MARCHF1: variants seen among roughly 807,000 people sequenced by gnomAD.
MARCHF1 encodes membrane associated ring-CH-type finger 1.
In MARCHF1, 40 loss-of-function variants were observed where a neutral mutation model predicts 54.2. The observed-to-expected ratio is 0.74, with a 90% CI of 0.57 to 0.96. The LOEUF (loss-of-function observed/expected upper bound fraction) is 0.96. Ranked by LOEUF, MARCHF1 falls within the 40% of genes least tolerant of loss-of-function variation. The pLI is 0.00. For synonymous variants in MARCHF1, 236 were observed against 236.3 expected, an observed-to-expected ratio of 1.00 and a Z score of 0.01; for missense variants, 586 against 656.5, an observed-to-expected ratio of 0.89 and a Z score of 1.17.
intron 4 of MARCHF1, among the ~76,000 whole-genome samples, chr4:163,751,059 ATACTTAATGGTG>A (rs1746505055): frequency 6.6e-6 from 1 of 152,166 alleles, no homozygotes; most frequent in Non-Finnish European, 1.5e-5. Flanking sequence ...TATTTATCTC[ATACTTAATGGTG>A]TAATACTGAA....
rs562748536 is a variant in MARCHF1, at chr4:164,210,917, T to C, written c.-322-99255A>G. ...TATCATTTATAACAACCTGAATGAATCTGGAGGACATTATGCTAAGTAAAA... is the reference window on the plus strand; with the variant it reads ...TATCATTTATAACAACCTGAATGAACCTGGAGGACATTATGCTAAGTAAAA... On this transcript the variant is annotated intron_variant, in intron 1 of 9. Coordinates refer to ENST00000514618, the MANE Select transcript of MARCHF1 (RefSeq NM_001394959.1). Among the ~76,000 whole-genome samples the C allele has an allele frequency of 3.3e-5, 5 of 152,206 alleles. No individual in the cohort carries two copies. In the East Asian group the frequency reaches 9.7e-4, roughly 29 times the overall value.
chr4:164,377,139 C>G (rs866696559), intron 1 of MARCHF1, among the ~76,000 whole-genome samples: 5 of 151,624 alleles, frequency 3.3e-5, no homozygotes, highest in South Asian at 2.1e-4. Context: ...ATGTTACCTG[C>G]AACATACAAG....
At chr4:163,874,010 GAATTA>G (rs1013848705) in intron 3 of MARCHF1, among the ~76,000 whole-genome samples, 31 of 152,150 alleles carry the variant, frequency 2.0e-4, no homozygotes, top group African/African-American at 6.8e-4. Context: ...GAATTTAAAA[GAATTA>G]AATTTAATTT....
chr4:164,082,569 A>G (rs1755122521), intron 2 of MARCHF1, among the ~76,000 whole-genome samples: 1 of 152,222 alleles, frequency 6.6e-6, no homozygotes, highest in Admixed American at 6.5e-5. Context: ...CATTTTCTAG[A>G]AGGCATATAT....
intron 2 of MARCHF1, among the ~76,000 whole-genome samples, chr4:164,007,974 A>G (rs891610855): frequency 6.6e-6 from 1 of 152,254 alleles, no homozygotes. Flanking sequence ...CACTCTATCA[A>G]TAACACTTAT....
intron 1 of MARCHF1, among the ~76,000 whole-genome samples, chr4:164,373,322 C>A (rs1175199563): frequency 1.4e-5 from 2 of 144,626 alleles, no homozygotes; most frequent in African/African-American, 5.1e-5. Context: ...GAAACTGAAT[C>A]TTCCCATTAA....
chr4:163,529,036 T>C lies in MARCHF1; in HGVS notation c.1350A>G (p.Glu450=), dbSNP rs766741996. 5 of 1,604,872 alleles carry C rather than the reference T, an allele frequency of 3.1e-6. No individual in the cohort carries two copies. The highest frequency in any genetic ancestry group is 1.7e-5 in the Admixed American group (1 of 59,388). Residue 450 remains glutamate (E), a synonymous_variant, in exon 10 of 10, where the codon GAA becomes GAG. Coordinates refer to ENST00000514618, the MANE Select transcript of MARCHF1 (RefSeq NM_001394959.1). ...IKQGNDNGVL[E]WPFWTKLVVV... ...CAACCAGTTTTGTCCAAAATGGCCA[T>C]TCAAGGACACCTTTGAAATGAAAAA...
intron 4 of MARCHF1, among the ~76,000 whole-genome samples, chr4:163,797,286 A>AT (rs1057345086): frequency 2.6e-5 from 4 of 151,212 alleles, no homozygotes; most frequent in Non-Finnish European, 5.9e-5. Context: ...ACTTTTAAAG[A>AT]TTTTTTTGTC....
At chr4:164,164,742 C>A (rs1317044403) in intron 1 of MARCHF1, among the ~76,000 whole-genome samples, 1 of 151,954 alleles carries the variant, frequency 6.6e-6, no homozygotes, top group East Asian at 1.9e-4. Context: ...ACAATCAAGG[C>A]TTTGAACGCA....
chr4:163,832,057 A>G (rs941304148), intron 4 of MARCHF1, among the ~76,000 whole-genome samples: 5 of 152,226 alleles, frequency 3.3e-5, no homozygotes, highest in African/African-American at 4.8e-5. Context: ...AAGTAGATAA[A>G]CAAATTAGGA....
intron 1 of MARCHF1, among the ~76,000 whole-genome samples, chr4:164,183,046 G>A (rs2111019915): frequency 6.6e-6 from 1 of 152,044 alleles, no homozygotes; most frequent in African/African-American, 2.4e-5. Context: ...ATATTAAAAA[G>A]TTCTAGTTCT....
At chr4:164,101,904 C>T (rs1259168706) in intron 2 of MARCHF1, among the ~76,000 whole-genome samples, 5 of 151,002 alleles carry the variant, frequency 3.3e-5, no homozygotes, top group Admixed American at 6.6e-5. Context: ...AGAACCAATA[C>T]AGAGAAGTGC....
intron 4 of MARCHF1, among the ~76,000 whole-genome samples, chr4:163,830,234 C>T (rs538651398): frequency 6.6e-6 from 1 of 151,480 alleles, no homozygotes; most frequent in Non-Finnish European, 1.5e-5. Context: ...AATATTTCAT[C>T]TCTCTTTTTA....
chr4:163,550,275 C>G (rs981127380), intron 8 of MARCHF1, among the ~76,000 whole-genome samples: 4 of 111,054 alleles, frequency 3.6e-5, no homozygotes, highest in Middle Eastern at 3.8e-3. Flanking sequence ...GAGCGAGACT[C>G]CGTCTCAAAA....
intron 2 of MARCHF1, among the ~76,000 whole-genome samples, chr4:164,018,099 A>G (rs988668234): frequency 3.6e-4 from 54 of 152,050 alleles, no homozygotes; most frequent in African/African-American, 1.3e-3. Flanking sequence ...ATCCGTGTAT[A>G]TATTTGGAAA....
At chr4:163,803,096 C>T (rs763346956) in intron 4 of MARCHF1, among the ~76,000 whole-genome samples, 8 of 152,112 alleles carry the variant, frequency 5.3e-5, no homozygotes, top group Non-Finnish European at 1.2e-4. Flanking sequence ...GCAGTTCACA[C>T]GGTTACACAC....
At chr4:163,914,091 G>GA (rs34143895) in intron 3 of MARCHF1, among the ~76,000 whole-genome samples, 3 of 151,788 alleles carry the variant, frequency 2.0e-5, no homozygotes, top group African/African-American at 4.8e-5. Context: ...GAAAAATTGT[G>GA]TTTTTTTCCA....
intron 1 of MARCHF1, among the ~76,000 whole-genome samples, chr4:164,163,455 A>G (rs1200798570): frequency 6.6e-6 from 1 of 152,030 alleles, no homozygotes; most frequent in Non-Finnish European, 1.5e-5. Context: ...AAATGCTAAA[A>G]TAATGGTACC....
Position 163,613,040 on chromosome 4 carries a change from T to A in MARCHF1, c.243-2A>T, listed in dbSNP as rs998553003. ...GACATGTCATGCAAGATGGCAGATC[T>A]AGACAGAGCAGCAGGCAAAGGATGG... is the stretch of plus-strand genomic sequence containing the variant. On this transcript the variant is annotated splice_acceptor_variant, in intron 6 of 9. Coordinates refer to ENST00000514618, the MANE Select transcript of MARCHF1 (RefSeq NM_001394959.1). LOFTEE classifies it high-confidence loss of function. 6.8e-7 allele frequency: 1 copy of A among 1,478,050 alleles called. No individual in the cohort carries two copies. The highest frequency in any genetic ancestry group is 8.9e-7 in the Non-Finnish European group (1 of 1,124,274). The allele number at this position is 1,478,050 out of a possible 1,614,324, so 91.6% of individuals were successfully genotyped here. A position where few individuals can be genotyped will look rare whatever the true frequency, so the allele number is the denominator to read the frequency against.
Sources: allele counts gnomAD v4.1 joint callset (sites outside exome capture counted in the v4.1 genomes callset), GRCh38; gene constraint gnomAD v4.1.1; transcripts MANE v1.5; gene names NCBI Gene and HGNC (gene_info 2026-07-23, HGNC 2026-07-21).